Variants in KLHL7 observed in about 807,000 individuals in gnomAD.
KLHL7 encodes the protein kelch like family member 7, also known as kelch-like protein 7.
Under a neutral mutation model 67.4 loss-of-function variants are expected in KLHL7, and 44 were observed. The ratio of observed to expected loss-of-function variants is 0.65; its 90% CI spans 0.51 to 0.84. The LOEUF (loss-of-function observed/expected upper bound fraction) is 0.84. KLHL7 is among the 40% of genes least tolerant of loss of function. The pLI, the probability that KLHL7 is intolerant of heterozygous loss-of-function variation, is 0.00. For missense variants in KLHL7, 362 were observed against 718.1 expected, an observed-to-expected ratio of 0.50 and a Z score of 5.67; for synonymous variants, 252 against 243.3, an observed-to-expected ratio of 1.04 and a Z score of -0.33.
At chr7:23,112,369 T>C (rs1358744071) in intron 1 of KLHL7, among the ~76,000 whole-genome samples, 2 of 152,232 alleles carry the variant, frequency 1.3e-5, no homozygotes, top group African/African-American at 4.8e-5. Flanking sequence ...TATGACAAAT[T>C]GACAGGTCTG....
At chr7:23,156,470 A>G (rs919231644) in intron 7 of KLHL7, among the ~76,000 whole-genome samples, 1 of 152,180 alleles carries the variant, frequency 6.6e-6, no homozygotes, top group African/African-American at 2.4e-5. Flanking sequence ...TAACATGGTA[A>G]TGTCTTACGA....
At chr7:23,142,061 G>C (rs1257476004) in intron 5 of KLHL7, among the ~76,000 whole-genome samples, 2 of 152,002 alleles carry the variant, frequency 1.3e-5, no homozygotes, top group African/African-American at 4.8e-5. Context: ...TGGGATTATA[G>C]GTATGTGCCA....
chr7:23,114,915 T>C (rs1356414439), intron 1 of KLHL7, among the ~76,000 whole-genome samples: 1 of 152,226 alleles, frequency 6.6e-6, no homozygotes, highest in Non-Finnish European at 1.5e-5. Context: ...CTCCCAAATC[T>C]GACTGTTATG....
chr7:23,111,820 C>CAA (rs895981894), intron 1 of KLHL7, among the ~76,000 whole-genome samples: 3,305 of 23,154 alleles, frequency 0.14, 807 homozygotes, highest in African/African-American at 0.34. Flanking sequence ...GACTCCGTCT[C>CAA]AAAAAAAAAA....
chr7:23,173,112 A>T (rs1426074401), intron 10 of KLHL7, 67 bp downstream of exon 10: 1 of 1,086,942 alleles, frequency 9.2e-7, no homozygotes, highest in African/African-American at 1.5e-5. Context: ...AAATTATTGA[A>T]GCATTTTTAA....
chr7:23,131,733 CTTTTTTTTT>C (rs59719158), intron 4 of KLHL7, among the ~76,000 whole-genome samples: 3 of 125,260 alleles, frequency 2.4e-5, no homozygotes, highest in Admixed American at 8.0e-5. Context: ...CTTATTTATT[CTTTTTTTTT>C]TTTTTTTTTT....
intron 1 of KLHL7, among the ~76,000 whole-genome samples, chr7:23,118,926 G>C (rs966157414): frequency 6.6e-6 from 1 of 151,998 alleles, no homozygotes; most frequent in African/African-American, 2.4e-5. Flanking sequence ...AAAAAAATTA[G>C]CCAGGCATGG....
intron 6 of KLHL7, among the ~76,000 whole-genome samples, chr7:23,144,394 T>G (rs1005277599): frequency 3.9e-5 from 6 of 152,222 alleles, no homozygotes; most frequent in Non-Finnish European, 7.3e-5. Flanking sequence ...GAGATAAATA[T>G]TGCCACATCG....
At chr7:23,149,701 T>C (rs1412701579) in intron 6 of KLHL7, among the ~76,000 whole-genome samples, 3 of 152,164 alleles carry the variant, frequency 2.0e-5, no homozygotes, top group South Asian at 2.1e-4. Context: ...TAAAGGATTA[T>C]AAAATAAACA....
At chr7:23,125,280 C>A in intron 4 of KLHL7, 108 bp downstream of exon 4, 1 of 1,156,916 alleles carries the variant, frequency 8.6e-7, no homozygotes, top group Non-Finnish European at 1.3e-6. Context: ...ACCTTAAAGA[C>A]ATTGTCCACT....
rs775098329 is a variant in KLHL7 at position 23,165,704 on chromosome 7, A to T, written c.943A>T (p.Ser315Cys). The T allele has an allele frequency of 6.2e-7, 1 of 1,614,156 alleles. No homozygotes were observed. The highest frequency in any genetic ancestry group is 8.5e-7 in the Non-Finnish European group (1 of 1,179,990). The change falls in exon 8 of 11, where the codon AGC (serine) becomes TGC (cysteine). Residue 315 changes from serine (S) to cysteine (C), a missense_variant. Around this residue, in one of 5 missense-constraint regions of KLHL7, gnomAD observed 155 missense variants for 280.8 expected, o/e 0.55. Transcript: ENST00000339077. ...SCRYFNPKDY[S>C]WTDIRCPFEK... ...CCATCCTTTTCTGCTACAGGATTAT[A>T]GCTGGACAGACATCCGCTGCCCCTT...
chr7:23,156,346 A>G (rs6966420), intron 7 of KLHL7, among the ~76,000 whole-genome samples: 140,867 of 152,262 alleles, frequency 0.93, 65,348 homozygotes, highest in East Asian at 0.99. Context: ...TATAAAGCCT[A>G]TTGAGCTGCC....
intron 1 of KLHL7, among the ~76,000 whole-genome samples, chr7:23,109,026 G>A (rs1233101898): frequency 1.3e-5 from 2 of 152,178 alleles, no homozygotes; most frequent in East Asian, 3.9e-4. Context: ...GTATGCATAT[G>A]TATGTATTAA....
At chr7:23,121,120 A>G (rs1295413659) in intron 1 of KLHL7, among the ~76,000 whole-genome samples, 1 of 152,156 alleles carries the variant, frequency 6.6e-6, no homozygotes, top group Non-Finnish European at 1.5e-5. Context: ...ATTTCAACTA[A>G]CATAATGTCT....
At chr7:23,110,074 A>G (rs1280058360) in intron 1 of KLHL7, among the ~76,000 whole-genome samples, 1 of 152,214 alleles carries the variant, frequency 6.6e-6, no homozygotes, top group East Asian at 1.9e-4. Context: ...AACTTCTGCC[A>G]AGTAAGTGCT....
chr7:23,121,152 G>A (rs755760999), intron 1 of KLHL7, among the ~76,000 whole-genome samples: 11 of 152,144 alleles, frequency 7.2e-5, no homozygotes, highest in South Asian at 2.1e-4. Flanking sequence ...CCACATTGCC[G>A]TGAAAGACAA....
intron 9 of KLHL7, 114 bp downstream of exon 9, chr7:23,168,151 G>A: frequency 2.0e-6 from 2 of 979,220 alleles, no homozygotes; most frequent in Non-Finnish European, 3.2e-6. Context: ...AGTGAAGAGT[G>A]TATATAAACT....
intron 6 of KLHL7, among the ~76,000 whole-genome samples, chr7:23,150,864 C>T (rs1256741592): frequency 6.6e-6 from 1 of 152,182 alleles, no homozygotes; most frequent in Admixed American, 6.5e-5. Flanking sequence ...AGCACTCAAG[C>T]ATCTTTTCAT....
At position 23,175,552 on chromosome 7, in the gene KLHL7, A is replaced by G. The variant is rs777537180; in HGVS notation, c.*1254A>G. 40 of 324,242 alleles carry G rather than the reference A, an allele frequency of 1.2e-4. 1 individual carries two copies. The highest frequency in any genetic ancestry group is 6.7e-4 in the Admixed American group (15 of 22,248). 20.1% of individuals were successfully genotyped at this position (324,242 alleles called of 1,614,324 possible). On this transcript the variant is annotated 3_prime_UTR_variant, in exon 11 of 11. Transcript: ENST00000339077. ...AGTCTTAAACCCTAAAAATGTTTAA[A>G]TCAAAAAGGAATTAGGAAAAACATA...
Sources: gnomAD v4.1 joint callset for allele counts (sites outside exome capture counted in the v4.1 genomes callset) on GRCh38, gnomAD v4.1.1 for gene constraint, gnomAD v4.1.1 regional missense constraint, MANE v1.5 for transcripts, NCBI Gene and HGNC (gene_info 2026-07-23, HGNC 2026-07-21) for gene names.